RBM33: variants seen among roughly 807,000 people sequenced by gnomAD.
RBM33 encodes RNA-binding protein 33.
RBM33 carries 28 observed loss-of-function variants against 132.6 expected under a neutral mutation model. The ratio of observed to expected loss-of-function variants is 0.21; its 90% CI spans 0.16 to 0.29. RBM33 has a LOEUF of 0.29. Ranked by LOEUF, RBM33 falls within the 10% of genes least tolerant of loss-of-function variation. The pLI, the probability that RBM33 is intolerant of heterozygous loss-of-function variation, is 1.00. For synonymous variants in RBM33, 634 were observed against 593.0 expected (o/e 1.07, Z -1.01); for missense variants, 1,291 against 1,518.5 (o/e 0.85, Z 2.49).
intron 7 of RBM33, among the ~76,000 whole-genome samples, chr7:155,710,262 C>A (rs1800243620): frequency 6.6e-6 from 1 of 152,198 alleles, no homozygotes; most frequent in South Asian, 2.1e-4. Flanking sequence ...AAAGCAAAAC[C>A]TGTGGAATCA....
chr7:155,666,715 T>C (rs1381524930), intron 2 of RBM33, among the ~76,000 whole-genome samples: 3 of 152,178 alleles, frequency 2.0e-5, no homozygotes, highest in Non-Finnish European at 4.4e-5. Context: ...TGTTTTTTCT[T>C]TTGGGTTGTT....
At chr7:155,691,318 T>C (rs1428448008) in intron 5 of RBM33, among the ~76,000 whole-genome samples, 1 of 152,184 alleles carries the variant, frequency 6.6e-6, no homozygotes, top group African/African-American at 2.4e-5. Context: ...TTCAGCTCCA[T>C]CAGGTCATTT....
At chr7:155,718,633 TTTTG>T (rs1295097641) in intron 9 of RBM33, among the ~76,000 whole-genome samples, 190 bp downstream of exon 9, 2 of 152,234 alleles carry the variant, frequency 1.3e-5, no homozygotes, top group Non-Finnish European at 2.9e-5. Flanking sequence ...GTAGAATTAA[TTTTG>T]TTTAACTGTA....
intron 1 of RBM33, among the ~76,000 whole-genome samples, chr7:155,656,824 C>A (rs1321959619): frequency 6.6e-6 from 1 of 152,188 alleles, no homozygotes; most frequent in Non-Finnish European, 1.5e-5. Flanking sequence ...TACCAGCTGA[C>A]CCTTACCTCA....
intron 5 of RBM33, among the ~76,000 whole-genome samples, chr7:155,700,031 T>TA (rs769864169): frequency 1.8e-4 from 28 of 152,356 alleles, no homozygotes; most frequent in Middle Eastern, 3.4e-3. Flanking sequence ...ACATGAGTGA[T>TA]ACTTGGCAGT....
In RBM33 at chr7:155,774,033, CTGA is replaced by C. The variant is rs1375969320; in HGVS notation, c.3376-523_3376-521del. ...AAGTACAAAATGTGACCACGTTATG[CTGA>C]TGTCTGCCCCAGGCACCACTGCCCT... On this transcript the variant is annotated intron_variant, in intron 16 of 17. Coordinates refer to ENST00000401878, the MANE Select transcript of RBM33 (RefSeq NM_053043.3). The surrounding 1 kb of genome is among the most constrained non-coding windows in gnomAD (Gnocchi z 4.2). Among the ~76,000 whole-genome samples the C allele has an allele frequency of 1.3e-5, 2 of 152,208 alleles. No individual in the cohort carries two copies. The highest frequency in any genetic ancestry group is 4.8e-5 in the African/African-American group (2 of 41,450).
intron 9 of RBM33, among the ~76,000 whole-genome samples, chr7:155,724,243 A>G (rs1359964790): frequency 6.6e-6 from 1 of 152,144 alleles, no homozygotes; most frequent in Non-Finnish European, 1.5e-5. Flanking sequence ...GTTTTATTAT[A>G]AAGTATCAAA....
intron 7 of RBM33, 87 bp downstream of exon 7, chr7:155,707,155 C>T: frequency 8.8e-7 from 1 of 1,137,682 alleles, no homozygotes; most frequent in African/African-American, 1.5e-5. Context: ...ACATTTCTCT[C>T]TTCTTAGTCT....
At chr7:155,769,794 A>G (rs1257826864) in intron 16 of RBM33, among the ~76,000 whole-genome samples, 1 of 152,174 alleles carries the variant, frequency 6.6e-6, no homozygotes, top group Non-Finnish European at 1.5e-5. Context: ...GAGAAAGAAA[A>G]CACTAAGCAG....
intron 1 of RBM33, chr7:155,645,188 C>T (rs1003411286): frequency 5.2e-6 from 2 of 383,546 alleles, no homozygotes; most frequent in African/African-American, 2.1e-5. Context: ...AGGCCCATCT[C>T]TGGCGTTGGC....
chr7:155,651,804 C>G (rs1438352591), intron 1 of RBM33, among the ~76,000 whole-genome samples: 4 of 152,152 alleles, frequency 2.6e-5, no homozygotes, highest in African/African-American at 9.7e-5. Context: ...TTTTTAAACC[C>G]TGAATGATGA....
intron 3 of RBM33, among the ~76,000 whole-genome samples, chr7:155,673,183 C>G (rs1265276376): frequency 6.6e-6 from 1 of 152,046 alleles, no homozygotes; most frequent in East Asian, 1.9e-4. Flanking sequence ...ACAGCGTTAA[C>G]ATAGAGTTAT....
In RBM33 at chr7:155,775,057, C is replaced by G. The variant is rs770333468; in HGVS notation, c.*16C>G. ...CGTGGAGTGAGTCCTAACAAGAGAG[C>G]CTGACCTTAGGCTGTACACACACTG... is the stretch of plus-strand genomic sequence containing the variant. On this transcript the variant is annotated 3_prime_UTR_variant, in exon 18 of 18. Transcript: ENST00000401878. 3 of 1,609,300 alleles carry G rather than the reference C, an allele frequency of 1.9e-6. No homozygotes were observed. Among genetic ancestry groups the G allele is most frequent in the Non-Finnish European group, 8.5e-7 (1 of 1,175,670 alleles).
intron 8 of RBM33, among the ~76,000 whole-genome samples, chr7:155,716,478 G>A (rs1236543110): frequency 6.6e-6 from 1 of 151,982 alleles, no homozygotes. Flanking sequence ...GAGGCTTAAT[G>A]TTTTATCCTT....
chr7:155,700,966 C>T (rs1342185758), intron 6 of RBM33, 22 bp downstream of exon 6: 3 of 1,581,930 alleles, frequency 1.9e-6, no homozygotes, highest in African/African-American at 1.3e-5. Context: ...GCCTGTCTCC[C>T]ATCCTCCTTT....
At chr7:155,648,025 C>T (rs1798250201) in intron 1 of RBM33, among the ~76,000 whole-genome samples, 2 of 152,078 alleles carry the variant, frequency 1.3e-5, no homozygotes, top group Non-Finnish European at 2.9e-5. Flanking sequence ...CATTCTTGGG[C>T]CTGAGCTAAT....
chr7:155,673,476 ACG>A (rs1491436756), intron 3 of RBM33, among the ~76,000 whole-genome samples: 12 of 146,532 alleles, frequency 8.2e-5, no homozygotes, highest in Non-Finnish European at 1.7e-4. Context: ...ATATACATAC[ACG>A]TGTGTATATA....
At chr7:155,663,154 C>A (rs1181508924) in intron 1 of RBM33, among the ~76,000 whole-genome samples, 1 of 151,996 alleles carries the variant, frequency 6.6e-6, no homozygotes, top group Admixed American at 6.6e-5. Context: ...GTGGAACTTC[C>A]TGAGGCTATT....
At chr7:155,662,073 G>A (rs1308890525) in intron 1 of RBM33, among the ~76,000 whole-genome samples, 3 of 152,008 alleles carry the variant, frequency 2.0e-5, no homozygotes, top group Admixed American at 2.0e-4. Flanking sequence ...TTTTAATGAA[G>A]TGTTCACCCC....
Sources: allele counts gnomAD v4.1 joint callset (sites outside exome capture counted in the v4.1 genomes callset), GRCh38; gene constraint gnomAD v4.1.1; non-coding constraint Gnocchi (gnomAD v3.1); transcripts MANE v1.5; gene names NCBI Gene and HGNC (gene_info 2026-07-23, HGNC 2026-07-21).